Variants in BMPR1B observed in about 807,000 individuals in gnomAD.
The protein encoded by BMPR1B is bone morphogenetic protein receptor type-1B.
A neutral mutation model predicts 59.1 loss-of-function variants in BMPR1B; 12 were observed. That is an observed-to-expected ratio of 0.20 (90% CI 0.13 to 0.33). The LOEUF is 0.33. Among genes scored for constraint, BMPR1B ranks in the 10% least tolerant of loss-of-function variants. BMPR1B has a pLI of 1.00. For missense variants in BMPR1B, 550 were observed against 610.9 expected (o/e 0.90, Z 1.05); for synonymous variants, 237 against 207.3 (o/e 1.14, Z -1.23).
intron 2 of BMPR1B, among the ~76,000 whole-genome samples, chr4:94,880,822 G>T (rs1726935176): frequency 6.6e-6 from 1 of 151,818 alleles, no homozygotes; most frequent in Admixed American, 6.6e-5. Flanking sequence ...TTTTAGTAGA[G>T]ACGGGGTTTC....
intron 2 of BMPR1B, among the ~76,000 whole-genome samples, chr4:94,942,927 T>C (rs1729571592): frequency 6.6e-6 from 1 of 152,258 alleles, no homozygotes; most frequent in African/African-American, 2.4e-5. Flanking sequence ...CATGATACTG[T>C]ATTGTAGAGT....
intron 1 of BMPR1B, among the ~76,000 whole-genome samples, chr4:94,849,611 G>A (rs753185816): frequency 6.6e-6 from 1 of 152,084 alleles, no homozygotes; most frequent in Non-Finnish European, 1.5e-5. Context: ...AACTGCTGTA[G>A]TGCTGTGCTT....
intron 2 of BMPR1B, among the ~76,000 whole-genome samples, chr4:94,922,326 T>G (rs892315469): frequency 3.9e-5 from 6 of 151,962 alleles, no homozygotes; most frequent in African/African-American, 1.2e-4. Flanking sequence ...TTGTGGGACG[T>G]GTGCGTGTGT....
intron 1 of BMPR1B, among the ~76,000 whole-genome samples, chr4:94,801,147 C>G (rs952872604): frequency 2.0e-5 from 3 of 152,174 alleles, no homozygotes; most frequent in Non-Finnish European, 4.4e-5. Flanking sequence ...CTCACCACCC[C>G]TTCCTGCCTT....
chr4:95,064,328 G>T (rs554620629), intron 3 of BMPR1B, among the ~76,000 whole-genome samples: 1 of 152,314 alleles, frequency 6.6e-6, no homozygotes, highest in East Asian at 1.9e-4. Context: ...ATTATCGCCT[G>T]AGTTGTGCCT....
chr4:95,101,532 A>G (rs1423641761), intron 3 of BMPR1B, among the ~76,000 whole-genome samples: 2 of 152,092 alleles, frequency 1.3e-5, no homozygotes, highest in African/African-American at 2.4e-5. Flanking sequence ...AGTACCTTTG[A>G]TACCGTTTCT....
At position 95,148,728 on chromosome 4, in the gene BMPR1B, T is replaced by C; in HGVS notation, c.1077-20T>C. The C allele has an allele frequency of 6.2e-7, 1 of 1,611,804 alleles. No individual in the cohort carries two copies. Among genetic ancestry groups the C allele is most frequent in the Non-Finnish European group, 8.5e-7 (1 of 1,177,954 alleles). ...TGGTCCTCTTCAATGCTGTAATGCT[T>C]TGCTTTACTTTTTCCTTAGTGATAC... On this transcript the variant is annotated intron_variant, in intron 10 of 12. Transcript: ENST00000515059.
chr4:95,039,090 G>T (rs919380927), intron 3 of BMPR1B, among the ~76,000 whole-genome samples: 13 of 152,104 alleles, frequency 8.5e-5, no homozygotes, highest in Non-Finnish European at 1.8e-4. Context: ...TGTAACTAAG[G>T]CTCTTATATT....
intron 1 of BMPR1B, among the ~76,000 whole-genome samples, chr4:94,847,863 A>C (rs1725399128): frequency 1.3e-5 from 2 of 152,148 alleles, no homozygotes; most frequent in African/African-American, 4.8e-5. Flanking sequence ...AATGAATAAG[A>C]TCTATTTGAT....
At chr4:94,765,167 T>C (rs28604487) in intron 1 of BMPR1B, among the ~76,000 whole-genome samples, 5,104 of 152,224 alleles carry the variant, frequency 0.034, 156 homozygotes, top group East Asian at 0.083. Flanking sequence ...ATTAGAAATT[T>C]CATATAAACC....
intron 3 of BMPR1B, among the ~76,000 whole-genome samples, chr4:95,103,165 A>T (rs1210788356): frequency 9.2e-5 from 14 of 152,122 alleles, no homozygotes; most frequent in African/African-American, 3.4e-4. Context: ...TTTTCTTTCA[A>T]CTATTTTTTT....
chr4:95,042,059 T>C (rs943204354), intron 3 of BMPR1B, among the ~76,000 whole-genome samples: 5 of 152,274 alleles, frequency 3.3e-5, no homozygotes, highest in African/African-American at 1.2e-4. Context: ...GGTTTCACTC[T>C]GTTAGCCAGG....
At chr4:95,029,726 C>T (rs1209139871) in intron 3 of BMPR1B, among the ~76,000 whole-genome samples, 1 of 152,158 alleles carries the variant, frequency 6.6e-6, no homozygotes, top group Non-Finnish European at 1.5e-5. Context: ...TTTACAGTCC[C>T]ACCAACAGTG....
intron 6 of BMPR1B, among the ~76,000 whole-genome samples, chr4:95,121,903 C>T (rs1186366242): frequency 6.6e-6 from 1 of 152,080 alleles, no homozygotes; most frequent in Non-Finnish European, 1.5e-5. Context: ...TTAGCATGTG[C>T]AAAGATGTAT....
At chr4:94,948,272 G>A (rs1040195760) in intron 2 of BMPR1B, among the ~76,000 whole-genome samples, 1 of 152,152 alleles carries the variant, frequency 6.6e-6, no homozygotes, top group Non-Finnish European at 1.5e-5. Context: ...CTACAGTAAT[G>A]CACCAGAATC....
intron 3 of BMPR1B, among the ~76,000 whole-genome samples, chr4:95,092,150 T>A (rs1730041698): frequency 6.6e-6 from 1 of 152,138 alleles, no homozygotes; most frequent in Non-Finnish European, 1.5e-5. Context: ...AGTATAAATG[T>A]AATGATTTAG....
intron 2 of BMPR1B, among the ~76,000 whole-genome samples, chr4:94,986,333 G>A (rs748835971): frequency 6.6e-6 from 1 of 152,048 alleles, no homozygotes; most frequent in Non-Finnish European, 1.5e-5. Context: ...GTAAATTAGA[G>A]GATGGAAAAC....
intron 2 of BMPR1B, among the ~76,000 whole-genome samples, chr4:94,986,773 G>A (rs1466877972): frequency 6.6e-6 from 1 of 151,934 alleles, no homozygotes; most frequent in Non-Finnish European, 1.5e-5. Context: ...CGGGCGCAGT[G>A]GCTCACGCCT....
intron 2 of BMPR1B, among the ~76,000 whole-genome samples, chr4:94,926,536 T>C (rs937347695): frequency 6.6e-5 from 10 of 152,166 alleles, no homozygotes; most frequent in Non-Finnish European, 1.0e-4. Context: ...ATGGATACTC[T>C]GGGGACCTTT....
Sources: allele counts gnomAD v4.1 joint callset (sites outside exome capture counted in the v4.1 genomes callset), GRCh38; gene constraint gnomAD v4.1.1; transcripts MANE v1.5; gene names NCBI Gene and HGNC (gene_info 2026-07-23, HGNC 2026-07-21).